RASA1: variants seen among roughly 807,000 people sequenced by gnomAD.
RASA1 encodes RAS p21 protein activator 1, also known as ras GTPase-activating protein 1.
RASA1 carries 25 observed loss-of-function variants against 132.2 expected under a neutral mutation model. The observed-to-expected ratio is 0.19, with a 90% confidence interval of 0.14 to 0.26. RASA1 has a LOEUF of 0.26. RASA1 is among the 10% of genes least tolerant of loss of function. The probability of loss-of-function intolerance (pLI) is 1.00; values close to 1 mark genes in which losing one functional copy is unlikely to be tolerated. For synonymous variants in RASA1, 477 were observed against 449.9 expected (o/e 1.06, Z -0.76); for missense variants, 964 against 1,299.2 (o/e 0.74, Z 3.97).
At chr5:87,371,825 T>C (rs2112479197) in intron 12 of RASA1, among the ~76,000 whole-genome samples, 1 of 152,152 alleles carries the variant, frequency 6.6e-6, no homozygotes, top group East Asian at 1.9e-4. Context: ...ATAGTTTCTT[T>C]AATGTAAATT....
intron 23 of RASA1, 61 bp downstream of exon 23, chr5:87,386,964 C>A: frequency 7.2e-7 from 1 of 1,389,206 alleles, no homozygotes; most frequent in East Asian, 2.3e-5. Context: ...CTGAGTTAAC[C>A]CATTTAAGCA....
intron 6 of RASA1, among the ~76,000 whole-genome samples, chr5:87,342,410 C>T (rs1391607140): frequency 1.3e-5 from 2 of 152,108 alleles, no homozygotes; most frequent in African/African-American, 2.4e-5. Flanking sequence ...CTACCAGCCT[C>T]GGCCTCCCAA....
intron 7 of RASA1, 55 bp downstream of exon 7, chr5:87,346,779 G>C: frequency 1.5e-6 from 2 of 1,328,984 alleles, no homozygotes; most frequent in African/African-American, 1.4e-5. Context: ...ATAAAAAAGT[G>C]AACAAACCAT....
chr5:87,301,414 G>GA (rs1755357088), intron 1 of RASA1, among the ~76,000 whole-genome samples: 3 of 151,710 alleles, frequency 2.0e-5, no homozygotes, highest in Admixed American at 6.6e-5. Context: ...TAACAAGTGG[G>GA]TGTACCTGTG....
intron 1 of RASA1, among the ~76,000 whole-genome samples, chr5:87,311,632 G>A (rs1009106178): frequency 6.6e-6 from 1 of 152,196 alleles, no homozygotes; most frequent in Non-Finnish European, 1.5e-5. Flanking sequence ...GCCGCTCACA[G>A]CAGCAGTATG....
chr5:87,353,125 C>A (rs769823681), intron 8 of RASA1, 32 bp from the exon 9 acceptor site: 2 of 1,539,864 alleles, frequency 1.3e-6, no homozygotes, highest in Admixed American at 1.7e-5. Flanking sequence ...TTTTATGAGA[C>A]AGATTAATAC....
At chr5:87,375,135 C>T (rs1240018059) in intron 15 of RASA1, among the ~76,000 whole-genome samples, 1 of 152,114 alleles carries the variant, frequency 6.6e-6, no homozygotes, top group Non-Finnish European at 1.5e-5. Flanking sequence ...CACTGTTAAG[C>T]AATTAAGATT....
chr5:87,324,199 A>AT (rs1488189266), intron 1 of RASA1, among the ~76,000 whole-genome samples: 1 of 152,176 alleles, frequency 6.6e-6, no homozygotes, highest in Non-Finnish European at 1.5e-5. Flanking sequence ...TGTTTTGAGG[A>AT]TTTAAAGAAC....
chr5:87,315,778 A>C (rs1289132841), intron 1 of RASA1, among the ~76,000 whole-genome samples: 1 of 152,208 alleles, frequency 6.6e-6, no homozygotes, highest in African/African-American at 2.4e-5. Flanking sequence ...ATTAGTAATC[A>C]AGCAGATTAA....
rs566386933 is a variant in RASA1, at chr5:87,355,889, G to A, written c.1332+2654G>A. Among the ~76,000 whole-genome samples, 3 of 152,308 alleles carry A rather than the reference G, an allele frequency of 2.0e-5. No individual in the cohort carries two copies. The East Asian group carries it at 5.8e-4, about 29-fold the overall frequency. On this transcript the variant is annotated intron_variant, in intron 9 of 24. Transcript: ENST00000274376. The stretch of plus-strand genomic sequence containing the variant: ...ACTACAAGATGACTTTGAGGAGGAG[G>A]TAGCTGCAGATGTGGTACAAGTAGC...
At chr5:87,293,293 A>C (rs1322598054) in intron 1 of RASA1, among the ~76,000 whole-genome samples, 1 of 151,522 alleles carries the variant, frequency 6.6e-6, no homozygotes, top group African/African-American at 2.4e-5. Context: ...TTCTATTCCT[A>C]ATTTGCTCAG....
intron 8 of RASA1, 137 bp downstream of exon 8, chr5:87,349,501 T>A: frequency 1.0e-6 from 1 of 1,000,078 alleles, no homozygotes; most frequent in Non-Finnish European, 1.5e-6. Context: ...AATTTCATAG[T>A]AGTCATGCCC....
At chr5:87,328,284 T>C (rs942163602) in intron 1 of RASA1, among the ~76,000 whole-genome samples, 5 of 151,416 alleles carry the variant, frequency 3.3e-5, no homozygotes, top group African/African-American at 7.3e-5. Context: ...ATGATTCTTA[T>C]GCTTATGTTT....
At chr5:87,367,268 G>A (rs1199645777) in intron 11 of RASA1, among the ~76,000 whole-genome samples, 1 of 152,118 alleles carries the variant, frequency 6.6e-6, no homozygotes, top group East Asian at 1.9e-4. Context: ...ACCATAGGAT[G>A]CAAATACCAG....
At chr5:87,292,860 A>G (rs1170607672) in intron 1 of RASA1, among the ~76,000 whole-genome samples, 1 of 152,032 alleles carries the variant, frequency 6.6e-6, no homozygotes, top group Non-Finnish European at 1.5e-5. Flanking sequence ...TCCTGTACAT[A>G]TTTTGTTAGA....
Position 87,391,244 on chromosome 5 carries a change from A to G in RASA1, c.*361A>G. 2.4e-6 allele frequency: 1 copy of G among 409,634 alleles called. No homozygotes were observed. The highest frequency in any genetic ancestry group is 4.5e-6 in the Non-Finnish European group (1 of 221,508). The allele number at this position is 409,634 out of a possible 1,614,324, so 25.4% of individuals were successfully genotyped here. On this transcript the variant is annotated 3_prime_UTR_variant, in exon 25 of 25. Transcript: ENST00000274376. ...GCCAAAGTTTTGCTGTCTCTTAGAGAAAGAACTATGAAATCAACTGACAAG... is the reference window on the plus strand; with the variant it reads ...GCCAAAGTTTTGCTGTCTCTTAGAGGAAGAACTATGAAATCAACTGACAAG...
At chr5:87,335,019 A>G (rs1188065531) in intron 4 of RASA1, among the ~76,000 whole-genome samples, 1 of 152,080 alleles carries the variant, frequency 6.6e-6, no homozygotes, top group Non-Finnish European at 1.5e-5. Flanking sequence ...AGCAGCTGGA[A>G]TTACAGGCGT....
chr5:87,313,762 A>T (rs1409352860), intron 1 of RASA1, among the ~76,000 whole-genome samples: 1 of 152,262 alleles, frequency 6.6e-6, no homozygotes, highest in East Asian at 1.9e-4. Flanking sequence ...CAAGGGATCA[A>T]CGAGATGACA....
intron 1 of RASA1, among the ~76,000 whole-genome samples, chr5:87,311,841 G>A (rs142803625): frequency 7.2e-5 from 11 of 152,334 alleles, no homozygotes; most frequent in Admixed American, 1.3e-4. Context: ...AGCATAATCT[G>A]TATGGTGTGG....
Sources: allele counts gnomAD v4.1 joint callset (sites outside exome capture counted in the v4.1 genomes callset), GRCh38; gene constraint gnomAD v4.1.1; transcripts MANE v1.5; gene names NCBI Gene and HGNC (gene_info 2026-07-23, HGNC 2026-07-21).